Variants in SPPL3 observed in about 807,000 individuals in gnomAD.
SPPL3 encodes the protein signal peptide peptidase like 3, also known as signal peptide peptidase-like 3.
In SPPL3, 5 loss-of-function variants were observed where a neutral mutation model predicts 42.4. That is an observed-to-expected ratio of 0.12 (90% CI 0.06 to 0.25). The LOEUF (loss-of-function observed/expected upper bound fraction) is 0.25, where lower values mean the gene tolerates loss of function less well. SPPL3 is among the 10% of genes least tolerant of loss of function. The pLI is 1.00. For missense variants in SPPL3, 235 were observed against 489.0 expected (o/e 0.48, Z 4.90); for synonymous variants, 195 against 181.8 (o/e 1.07, Z -0.58).
chr12:120,773,753 G>A (rs917963766), intron 6 of SPPL3, among the ~76,000 whole-genome samples: 2 of 152,150 alleles, frequency 1.3e-5, no homozygotes, highest in African/African-American at 2.4e-5. Flanking sequence ...ACCAGCGCCC[G>A]CCACCATGCC....
At chr12:120,898,020 G>A (rs1446944671) in intron 1 of SPPL3, among the ~76,000 whole-genome samples, 1 of 151,960 alleles carries the variant, frequency 6.6e-6, no homozygotes, top group East Asian at 1.9e-4. Context: ...GCCTTAAAAT[G>A]AGTAGCACGG....
chr12:120,888,833 G>A (rs1038051665), intron 1 of SPPL3, among the ~76,000 whole-genome samples: 6 of 151,994 alleles, frequency 3.9e-5, no homozygotes, highest in South Asian at 2.1e-4. Context: ...TTTTGAGACC[G>A]GGTCTTGCTT....
At chr12:120,831,990 T>C (rs1284258325) in intron 1 of SPPL3, among the ~76,000 whole-genome samples, 1 of 152,186 alleles carries the variant, frequency 6.6e-6, no homozygotes, top group Non-Finnish European at 1.5e-5. Flanking sequence ...CTCAGCACAG[T>C]TCAAAATATA....
intron 1 of SPPL3, among the ~76,000 whole-genome samples, chr12:120,895,776 C>T (rs1395522919): frequency 6.6e-6 from 1 of 152,214 alleles, no homozygotes; most frequent in African/African-American, 2.4e-5. Context: ...TGGAGTACAA[C>T]AGGCATAACT....
Position 120,903,780 on chromosome 12 carries a change from G to T in SPPL3, c.23+65C>A, listed in dbSNP as rs113043553. 45 of 1,174,458 alleles carry T rather than the reference G, an allele frequency of 3.8e-5. No individual in the cohort carries two copies. In the African/African-American group the frequency reaches 5.2e-4, roughly 13 times the overall value. 72.8% of individuals were successfully genotyped at this position (1,174,458 alleles called of 1,614,324 possible). ...TGTTCTTCCTCCTCTTCCCCTCGGCGGGCCGCGCCGGCGCCCCGACCCCCA... is the reference window on the plus strand; with the variant it reads ...TGTTCTTCCTCCTCTTCCCCTCGGCTGGCCGCGCCGGCGCCCCGACCCCCA... On this transcript the variant is annotated intron_variant, in intron 1 of 10. Transcript: ENST00000353487.
chr12:120,856,256 G>A (rs914035787), intron 1 of SPPL3, among the ~76,000 whole-genome samples: 1 of 150,676 alleles, frequency 6.6e-6, no homozygotes, highest in African/African-American at 2.4e-5. Context: ...CAATGAGACA[G>A]AAGGAAAAGA....
At chr12:120,830,683 G>A (rs1340278618) in intron 1 of SPPL3, among the ~76,000 whole-genome samples, 1 of 150,964 alleles carries the variant, frequency 6.6e-6, no homozygotes, top group Non-Finnish European at 1.5e-5. Flanking sequence ...GTATAAAACA[G>A]AGATAATCCC....
rs143153820 is a variant in SPPL3 at position 120,883,999 on chromosome 12, G to C, written c.23+19846C>G. ...GCCTCTAATCCCAGCTACTCAGGAG[G>C]CTGAGGCAGGCGAATCGCTTGAACC... On this transcript the variant is annotated intron_variant, in intron 1 of 10. Coordinates refer to ENST00000353487, the MANE Select transcript of SPPL3 (RefSeq NM_139015.5). Among the ~76,000 whole-genome samples the C allele has an allele frequency of 3.4e-3, 514 of 151,994 alleles. 3 individuals are homozygous for C. The highest frequency in any genetic ancestry group is 0.012 in the African/African-American group (497 of 41,452).
intron 1 of SPPL3, among the ~76,000 whole-genome samples, chr12:120,871,023 G>A (rs1245146456): frequency 1.3e-5 from 2 of 149,642 alleles, no homozygotes; most frequent in African/African-American, 2.4e-5. Flanking sequence ...CCAGTTATTC[G>A]GGAGGCTGAG....
At chr12:120,856,724 A>G (rs958399584) in intron 1 of SPPL3, among the ~76,000 whole-genome samples, 3 of 151,996 alleles carry the variant, frequency 2.0e-5, no homozygotes, top group African/African-American at 7.2e-5. Context: ...GTAGCCTCAC[A>G]AAACCCAAAA....
At chr12:120,849,549 T>C (rs941883530) in intron 1 of SPPL3, among the ~76,000 whole-genome samples, 1 of 152,220 alleles carries the variant, frequency 6.6e-6, no homozygotes, top group African/African-American at 2.4e-5. Context: ...TGAATTTTAC[T>C]TAGAAAATCC....
intron 1 of SPPL3, among the ~76,000 whole-genome samples, chr12:120,898,656 A>AG (rs1388241011): frequency 6.6e-6 from 1 of 152,058 alleles, no homozygotes; most frequent in Non-Finnish European, 1.5e-5. Flanking sequence ...CTCAAGCAAA[A>AG]GAGGGCTGGC....
intron 2 of SPPL3, among the ~76,000 whole-genome samples, chr12:120,803,181 C>T (rs1374495648): frequency 6.6e-6 from 1 of 152,134 alleles, no homozygotes; most frequent in Non-Finnish European, 1.5e-5. Context: ...TTATGGTGGT[C>T]CTTGTGAAAC....
intron 1 of SPPL3, among the ~76,000 whole-genome samples, chr12:120,814,860 T>C (rs1870813491): frequency 6.6e-6 from 1 of 152,206 alleles, no homozygotes; most frequent in Admixed American, 6.5e-5. Context: ...TATCTCCCTC[T>C]ACCCCCCTTT....
intron 1 of SPPL3, among the ~76,000 whole-genome samples, chr12:120,842,455 T>A (rs758044110): frequency 9.9e-5 from 15 of 152,188 alleles, no homozygotes; most frequent in Non-Finnish European, 2.1e-4. Context: ...AAGAAATTAT[T>A]TTTCAATAAT....
At chr12:120,845,076 G>A (rs1232031675) in intron 1 of SPPL3, 3 of 341,738 alleles carry the variant, frequency 8.8e-6, no homozygotes, top group Non-Finnish European at 1.7e-5. Context: ...GTAAAGCAGA[G>A]GGCAAGAGGA....
At chr12:120,855,117 G>A (rs1338432930) in intron 1 of SPPL3, among the ~76,000 whole-genome samples, 2 of 152,074 alleles carry the variant, frequency 1.3e-5, no homozygotes, top group East Asian at 3.9e-4. Context: ...TCCTTGTATG[G>A]ATGGATCACT....
At chr12:120,831,571 T>TGG in intron 1 of SPPL3, among the ~76,000 whole-genome samples, 1 of 152,244 alleles carries the variant, frequency 6.6e-6, no homozygotes, top group Non-Finnish European at 1.5e-5. Flanking sequence ...ACCTTGGGAA[T>TGG]TCATGTCTCA....
chr12:120,765,115 C>T, intron 10 of SPPL3, 45 bp from the exon 11 acceptor site: 1 of 1,586,276 alleles, frequency 6.3e-7, no homozygotes, highest in Non-Finnish European at 8.6e-7. Context: ...AAACATGAGG[C>T]ACACACAGCT....
Sources: gnomAD v4.1 joint callset for allele counts (sites outside exome capture counted in the v4.1 genomes callset) on GRCh38, gnomAD v4.1.1 for gene constraint, MANE v1.5 for transcripts, NCBI Gene and HGNC (gene_info 2026-07-23, HGNC 2026-07-21) for gene names.